Variants in CTNND1 observed in about 807,000 individuals in gnomAD.
CTNND1 encodes the protein catenin delta-1.
Under a neutral mutation model 112.1 loss-of-function variants are expected in CTNND1, and 16 were observed. The ratio of observed to expected loss-of-function variants is 0.14; its 90% CI spans 0.10 to 0.22. The LOEUF is 0.22. CTNND1 is among the 10% of genes least tolerant of loss of function. The pLI is 1.00. For missense variants in CTNND1, 1,008 were observed against 1,257.0 expected, an observed-to-expected ratio of 0.80 and a Z score of 3.00; for synonymous variants, 420 against 446.5, an observed-to-expected ratio of 0.94 and a Z score of 0.75.
intron 1 of CTNND1, among the ~76,000 whole-genome samples, chr11:57,774,230 G>A (rs561649064): frequency 9.2e-5 from 14 of 152,150 alleles, no homozygotes; most frequent in Middle Eastern, 3.4e-3. Context: ...AATTATCTAG[G>A]GTCTTTAATG....
intron 3 of CTNND1, among the ~76,000 whole-genome samples, chr11:57,792,151 TTG>T (rs2060816732): frequency 6.6e-6 from 1 of 152,192 alleles, no homozygotes; most frequent in East Asian, 1.9e-4. Context: ...CATATTGTCC[TTG>T]TGTGCTCTTT....
In CTNND1 at chr11:57,809,329, C is replaced by A. The variant is rs2063066108; in HGVS notation, c.2298C>A (p.Ser766=). The A allele has an allele frequency of 6.2e-7, 1 of 1,613,864 alleles. No individual in the cohort carries two copies. The highest frequency in any genetic ancestry group is 1.3e-5 in the African/African-American group (1 of 74,926). ...ATCTGCCAGGAGGACAGCAGAACTC[C>A]TCTTGGAATTTCTCTGAGGACACTG... ...VKNLPGGQQN[S]SWNFSEDTVI... is the part of the protein sequence containing the mutation. The change falls in exon 15 of 21, where the codon TCC becomes TCA. Residue 766 remains serine, a synonymous_variant. Transcript: ENST00000399050.
chr11:57,819,340 GTTTACTTTCCAAAGAGTTT>G lies in CTNND1; in HGVS notation c.*3034_*3052del, dbSNP rs2064126353. The stretch of plus-strand genomic sequence containing the variant: ...GTACAAAGCCAAAAAGCTATTAAGA[GTTTACTTTCCAAAGAGTTT>G]TGATAGCCCTGCTTGAGATGATTTT... On this transcript the variant is annotated 3_prime_UTR_variant, in exon 21 of 21. Transcript: ENST00000399050. The G allele has an allele frequency of 6.6e-6, 1 of 152,182 alleles. No individual in the cohort carries two copies. The highest frequency in any genetic ancestry group is 2.1e-4 in the South Asian group (1 of 4,834). 9.4% of individuals were successfully genotyped at this position (152,182 alleles called of 1,614,324 possible). A position where few individuals can be genotyped will look rare whatever the true frequency, so the allele number is the denominator to read the frequency against.
At chr11:57,794,397 T>C (rs1262668115) in intron 4 of CTNND1, among the ~76,000 whole-genome samples, 1 of 152,194 alleles carries the variant, frequency 6.6e-6, no homozygotes, top group African/African-American at 2.4e-5. Context: ...ACCTAAAATC[T>C]GGCTGGTCTT....
intron 14 of CTNND1, among the ~76,000 whole-genome samples, chr11:57,808,766 T>C (rs1476793100): frequency 6.6e-6 from 1 of 152,236 alleles, no homozygotes; most frequent in Non-Finnish European, 1.5e-5. Flanking sequence ...TATTATTTAT[T>C]GAGCACTTAC....
chr11:57,776,474 C>T (rs1954259004), intron 1 of CTNND1, among the ~76,000 whole-genome samples: 1 of 152,154 alleles, frequency 6.6e-6, no homozygotes, highest in Non-Finnish European at 1.5e-5. Flanking sequence ...TCTTCTGCCT[C>T]GCCTCCCTGT....
At chr11:57,796,398 A>T (rs2061367603) in intron 5 of CTNND1, 59 bp from the exon 6 acceptor site, 1 of 1,474,252 alleles carries the variant, frequency 6.8e-7, no homozygotes, top group Admixed American at 2.5e-5. Flanking sequence ...AAAAAAAAAA[A>T]AGAATTTAAT....
chr11:57,767,232 A>T (rs1485366994), intron 1 of CTNND1, among the ~76,000 whole-genome samples: 2 of 151,806 alleles, frequency 1.3e-5, no homozygotes, highest in East Asian at 3.9e-4. Context: ...GGCCTCCCAG[A>T]TTACAGTCTT....
intron 12 of CTNND1, among the ~76,000 whole-genome samples, chr11:57,807,605 C>CAAAA (rs71470294): frequency 2.1e-4 from 6 of 29,210 alleles, no homozygotes; most frequent in Admixed American, 5.5e-4. Flanking sequence ...AACTCCGTCT[C>CAAAA]AAAAAAAAAA....
At chr11:57,799,826 A>G (rs2061778987) in intron 6 of CTNND1, among the ~76,000 whole-genome samples, 1 of 152,188 alleles carries the variant, frequency 6.6e-6, no homozygotes, top group Admixed American at 6.5e-5. Flanking sequence ...ATCTATTGAT[A>G]AAGAACCACT....
intron 1 of CTNND1, among the ~76,000 whole-genome samples, chr11:57,763,686 A>G (rs1950369331): frequency 1.3e-5 from 2 of 152,206 alleles, no homozygotes. Context: ...TTTTCTTTCA[A>G]ATGTTCTCTC....
chr11:57,804,525 T>C, intron 8 of CTNND1, 138 bp from the exon 9 acceptor site: 1 of 636,776 alleles, frequency 1.6e-6, no homozygotes, highest in Non-Finnish European at 2.8e-6. Flanking sequence ...TTCTCTCAAC[T>C]GCAGTACCTT....
rs1026562258 is a variant in CTNND1, at chr11:57,815,494, C to T, written c.2802C>T (p.Pro934=). The change falls in exon 19 of 21, where the codon CCC becomes CCT. Residue 934 remains proline (P), a synonymous_variant. Transcript: ENST00000399050. ...GDMEPLKGTT[P]LMQDEGQESL... is the part of the protein sequence containing the mutation. ...TGGAGCCATTGAAGGGAACAACACC[C>T]TTGATGGTAAATTCTCTTTATATAC... 3.1e-6 allele frequency: 5 copies of T among 1,608,276 alleles called. No homozygotes were observed. The highest frequency in any genetic ancestry group is 3.4e-5 in the Admixed American group (2 of 59,638).
Position 57,761,897 on chromosome 11 carries a change from A to C in CTNND1, c.-436A>C. The stretch of plus-strand genomic sequence containing the variant: ...TGAGGGGGAAAAAAAAGAGAGAGGG[A>C]GAGAGAGAGAAAGAAGAGCAGGAAA... On this transcript the variant is annotated 5_prime_UTR_variant, in exon 1 of 21. Coordinates refer to ENST00000399050, the MANE Select transcript of CTNND1 (RefSeq NM_001085458.2). 1 of 985,056 alleles carries C rather than the reference A, an allele frequency of 1.0e-6. No individual in the cohort carries two copies. The highest frequency in any genetic ancestry group is 1.2e-6 in the Non-Finnish European group (1 of 829,746). 61.0% of individuals were successfully genotyped at this position (985,056 alleles called of 1,614,324 possible).
intron 16 of CTNND1, among the ~76,000 whole-genome samples, chr11:57,811,052 A>G (rs2063297074): frequency 1.3e-5 from 2 of 152,154 alleles, no homozygotes; most frequent in Non-Finnish European, 2.9e-5. Flanking sequence ...GTATCCCTCT[A>G]TGTCATAACA....
Position 57,791,867 on chromosome 11 carries a change from T to G in CTNND1, c.195+194T>G, listed in dbSNP as rs569461262. ...TGCTGCTGGACTGAGCTGGGTGCAG[T>G]TACTATCTCTAGAAGCATCCATCTG... On this transcript the variant is annotated intron_variant, in intron 3 of 20. Coordinates refer to ENST00000399050, the MANE Select transcript of CTNND1 (RefSeq NM_001085458.2). Among the ~76,000 whole-genome samples, 3 of 152,338 alleles carry G rather than the reference T, an allele frequency of 2.0e-5. No individual in the cohort carries two copies. In the South Asian group the frequency reaches 6.2e-4, roughly 32 times the overall value.
chr11:57,789,833 G>T (rs902098152), intron 2 of CTNND1, among the ~76,000 whole-genome samples: 2 of 152,212 alleles, frequency 1.3e-5, no homozygotes, highest in African/African-American at 4.8e-5. Flanking sequence ...GGAACTTCCA[G>T]CCATTGACGT....
Position 57,805,862 on chromosome 11 carries a change from G to T in CTNND1, c.1723-20G>T. The T allele has an allele frequency of 6.2e-7, 1 of 1,602,838 alleles. No individual in the cohort carries two copies. The highest frequency in any genetic ancestry group is 8.5e-7 in the Non-Finnish European group (1 of 1,174,836). ...ACAATAGACATTCTTTTTTCTCATT[G>T]GCCCTTTTATGTCCCTAAGCTTGTA... On this transcript the variant is annotated intron_variant, in intron 9 of 20. Coordinates refer to ENST00000399050, the MANE Select transcript of CTNND1 (RefSeq NM_001085458.2).
Position 57,789,160 on chromosome 11 carries a change from G to T in CTNND1, c.-95+5G>T. Reference sequence around the variant, plus strand: ...GTTGCGACCTTCTCTTAACAGGTGTGTATGGAAATATGTTTATTAAGAAGG... The same window carrying T: ...GTTGCGACCTTCTCTTAACAGGTGTTTATGGAAATATGTTTATTAAGAAGG... On this transcript the variant is annotated splice_donor_5th_base_variant and intron_variant, in intron 2 of 20. Coordinates refer to ENST00000399050, the MANE Select transcript of CTNND1 (RefSeq NM_001085458.2). 1.4e-6 allele frequency: 2 copies of T among 1,464,558 alleles called. No homozygotes were observed. The highest frequency in any genetic ancestry group is 1.8e-6 in the Non-Finnish European group (2 of 1,100,440). The allele number at this position is 1,464,558 out of a possible 1,614,324, so 90.7% of individuals were successfully genotyped here. A position where few individuals can be genotyped will look rare whatever the true frequency, so the allele number is the denominator to read the frequency against.
Sources: allele counts gnomAD v4.1 joint callset (sites outside exome capture counted in the v4.1 genomes callset), GRCh38; gene constraint gnomAD v4.1.1; transcripts MANE v1.5; gene names NCBI Gene and HGNC (gene_info 2026-07-23, HGNC 2026-07-21).